EDNRB: variants seen among roughly 807,000 people sequenced by gnomAD.
EDNRB encodes endothelin receptor type B.
EDNRB carries 18 observed loss-of-function variants against 46.4 expected under a neutral mutation model. The observed-to-expected ratio is 0.39, with a 90% CI of 0.27 to 0.57. EDNRB has a LOEUF of 0.57. EDNRB is among the 20% of genes least tolerant of loss of function. The pLI is 0.61. For missense variants in EDNRB, 434 were observed against 537.5 expected (o/e 0.81, Z 1.90); for synonymous variants, 213 against 204.9 (o/e 1.04, Z -0.34).
In EDNRB at chr13:77,918,480, G is replaced by C; in HGVS notation, c.94C>G (p.Pro32Ala). Residue 32 changes from proline (P) to alanine (A), a missense_variant, in exon 1 of 7, where the codon CCG becomes GCG. Physicochemically the swap from Pro to Ala is conservative, Grantham distance 27. Transcript: ENST00000646607. The surrounding 1 kb of genome is among the most constrained non-coding windows in gnomAD (Gnocchi z 4.5). ...SRIWGEERGF[P>A]PDRATPLLQT... is the part of the protein sequence containing the mutation. ...AAAAGCGGAGTGGCCCTGTCAGGCG[G>C]GAAGCCTCTCTCCTCTCCCCAGATC... 1.9e-6 allele frequency: 3 copies of C among 1,562,820 alleles called. No homozygotes were observed. The highest frequency in any genetic ancestry group is 2.6e-6 in the Non-Finnish European group (3 of 1,158,682).
intron 6 of EDNRB, 80 bp downstream of exon 6, chr13:77,899,779 G>C (rs1878839815): frequency 9.6e-7 from 1 of 1,043,022 alleles, no homozygotes; most frequent in Admixed American, 1.8e-5. Context: ...AAATCTGTCT[G>C]GATAGATATA....
chr13:77,931,744 C>CAAAAAA (rs67176737), intron 1 of EDNRB, among the ~76,000 whole-genome samples: 3 of 83,442 alleles, frequency 3.6e-5, no homozygotes, highest in East Asian at 3.5e-4. Flanking sequence ...ACTGTAGTAG[C>CAAAAAA]AAAAAAAAAA....
At chr13:77,942,785 A>T (rs987870741) in intron 1 of EDNRB, among the ~76,000 whole-genome samples, 2 of 93,486 alleles carry the variant, frequency 2.1e-5, no homozygotes, top group Non-Finnish European at 5.9e-5. Context: ...AATGAAATAG[A>T]GAAAAGAAGC....
intron 1 of EDNRB, among the ~76,000 whole-genome samples, chr13:77,974,336 G>A (rs949527762): frequency 6.6e-6 from 1 of 151,984 alleles, no homozygotes; most frequent in Non-Finnish European, 1.5e-5. Context: ...TTTTCTGTTA[G>A]CAAAGTAGTT....
In EDNRB at chr13:77,933,348, G is replaced by A. The variant is rs150571977; in HGVS notation, c.-51-14724C>T. Among the ~76,000 whole-genome samples the A allele has an allele frequency of 2.4e-3, 361 of 152,238 alleles. 1 individual carries two copies. Among genetic ancestry groups the A allele is most frequent in the Middle Eastern group, 0.01 (3 of 294 alleles). On this transcript the variant is annotated intron_variant, in intron 1 of 7. Transcript: ENST00000646948. Reference sequence around the variant, plus strand: ...AGCGAAGGGAGACAGGGGTGGGGCCGTTTTATAAGATTTGGGTAGGTAAAG... The same window carrying A: ...AGCGAAGGGAGACAGGGGTGGGGCCATTTTATAAGATTTGGGTAGGTAAAG...
At chr13:77,922,327 C>T (rs927136863), upstream of EDNRB, among the ~76,000 whole-genome samples, 12 of 152,272 alleles carry the variant, frequency 7.9e-5, no homozygotes, top group African/African-American at 2.9e-4. Context: ...TAATGCAATT[C>T]GGAATTCATT....
intron 1 of EDNRB, among the ~76,000 whole-genome samples, chr13:77,958,098 C>T (rs1881292426): frequency 6.6e-6 from 1 of 152,162 alleles, no homozygotes; most frequent in Non-Finnish European, 1.5e-5. Context: ...AGTAATGAGA[C>T]TCAACCCATT....
At chr13:77,928,311 T>C (rs1408582536) in intron 1 of EDNRB, among the ~76,000 whole-genome samples, 1 of 152,212 alleles carries the variant, frequency 6.6e-6, no homozygotes, top group Non-Finnish European at 1.5e-5. Context: ...CACTGTCTTA[T>C]ATCAAGAAGC....
chr13:77,896,933 A>G lies in EDNRB; in HGVS notation c.*1267T>C, dbSNP rs1878660231. On this transcript the variant is annotated 3_prime_UTR_variant, in exon 7 of 7. Transcript: ENST00000646607. ...AAGCAGTTTTGCCTCTAGATGAAAG[A>G]AAAGCACCATGTCAAGCAAACTTTT... 5.0e-6 allele frequency: 5 copies of G among 995,132 alleles called. No individual in the cohort carries two copies. The highest frequency in any genetic ancestry group is 3.6e-6 in the Non-Finnish European group (3 of 836,540). The allele number at this position is 995,132 out of a possible 1,614,324, so 61.6% of individuals were successfully genotyped here.
intron 1 of EDNRB, among the ~76,000 whole-genome samples, chr13:77,935,811 G>A (rs1880544512): frequency 6.6e-6 from 1 of 152,198 alleles, no homozygotes; most frequent in African/African-American, 2.4e-5. Context: ...AAGCATGTTA[G>A]AGATCCAGAA....
At chr13:77,970,021 T>C (rs142215790) in intron 1 of EDNRB, among the ~76,000 whole-genome samples, 1 of 152,198 alleles carries the variant, frequency 6.6e-6, no homozygotes, top group African/African-American at 2.4e-5. Flanking sequence ...CATTCCCACT[T>C]GCCTTTCAAG....
At chr13:77,945,916 G>C (rs1447664792) in intron 1 of EDNRB, among the ~76,000 whole-genome samples, 2 of 140,310 alleles carry the variant, frequency 1.4e-5, no homozygotes, top group Non-Finnish European at 3.1e-5. Context: ...ACAATCCGAA[G>C]AGACAAAGCA....
intron 1 of EDNRB, among the ~76,000 whole-genome samples, chr13:77,915,269 C>T (rs117697898): frequency 0.015 from 2,214 of 152,280 alleles, 46 homozygotes; most frequent in East Asian, 0.028. Flanking sequence ...ATATTACACA[C>T]TACAGACCAG....
intron 1 of EDNRB, among the ~76,000 whole-genome samples, chr13:77,959,601 C>G (rs997445011): frequency 6.6e-6 from 1 of 152,192 alleles, no homozygotes; most frequent in Non-Finnish European, 1.5e-5. Context: ...AGAAACAGAA[C>G]AGAAAAGCTG....
chr13:77,963,858 T>C (rs913610484), intron 1 of EDNRB, among the ~76,000 whole-genome samples: 5 of 152,166 alleles, frequency 3.3e-5, no homozygotes, highest in Admixed American at 2.0e-4. Context: ...AGAAAATTTT[T>C]GCAACCTACT....
intron 1 of EDNRB, among the ~76,000 whole-genome samples, chr13:77,916,413 A>G (rs1351016573): frequency 1.3e-5 from 2 of 152,180 alleles, no homozygotes; most frequent in African/African-American, 2.4e-5. Flanking sequence ...GGCTGCATTT[A>G]GAGATTCAAT....
chr13:77,915,035 A>G (rs1213858485), intron 1 of EDNRB, among the ~76,000 whole-genome samples: 1 of 152,176 alleles, frequency 6.6e-6, no homozygotes, highest in Non-Finnish European at 1.5e-5. Context: ...AAAAAATTAG[A>G]AATCACTGGT....
intron 1 of EDNRB, among the ~76,000 whole-genome samples, chr13:77,936,795 T>G (rs1195981185): frequency 6.6e-6 from 1 of 152,220 alleles, no homozygotes; most frequent in Non-Finnish European, 1.5e-5. Flanking sequence ...AAGATCCTGA[T>G]GGAGGAAGTC....
At chr13:77,971,321 G>T (rs1179067286) in intron 1 of EDNRB, among the ~76,000 whole-genome samples, 3 of 152,184 alleles carry the variant, frequency 2.0e-5, no homozygotes, top group Non-Finnish European at 1.5e-5. Flanking sequence ...CCACAGCATG[G>T]GAGGACTTTA....
Sources: gnomAD v4.1 joint callset for allele counts (sites outside exome capture counted in the v4.1 genomes callset) on GRCh38, gnomAD v4.1.1 for gene constraint, Gnocchi (gnomAD v3.1) non-coding constraint, MANE v1.5 for transcripts, NCBI Gene and HGNC (gene_info 2026-07-23, HGNC 2026-07-21) for gene names.